LEPR: variants seen among roughly 807,000 people sequenced by gnomAD.
LEPR encodes the protein leptin receptor, also known as OB receptor.
Under a neutral mutation model 114.7 loss-of-function variants are expected in LEPR, and 56 were observed. The ratio of observed to expected loss-of-function variants is 0.49; its 90% CI spans 0.39 to 0.61. The LOEUF is 0.61. Among genes scored for constraint, LEPR ranks in the 20% least tolerant of loss-of-function variants. LEPR has a pLI of 0.00. For synonymous variants in LEPR, 443 were observed against 461.4 expected (o/e 0.96, Z 0.51); for missense variants, 1,202 against 1,352.9 (o/e 0.89, Z 1.75).
chr1:65,463,761 AG>A (rs1646975729), intron 2 of LEPR, among the ~76,000 whole-genome samples: 1 of 152,026 alleles, frequency 6.6e-6, no homozygotes, highest in Admixed American at 6.6e-5. Flanking sequence ...TTGGATTCCT[AG>A]GTATTTTATC....
intron 16 of LEPR, among the ~76,000 whole-genome samples, 173 bp downstream of exon 16, chr1:65,618,319 T>TCTTCG (rs1215532721): frequency 6.6e-6 from 1 of 151,772 alleles, no homozygotes; most frequent in Admixed American, 6.6e-5. Flanking sequence ...CTTCCTCTTC[T>TCTTCG]CTTCTCTTCT....
chr1:65,448,772 G>C (rs1001265167), intron 2 of LEPR, among the ~76,000 whole-genome samples: 2 of 152,084 alleles, frequency 1.3e-5, no homozygotes, highest in Admixed American at 1.3e-4. Context: ...CAAAAAATTG[G>C]TCCATTTCAT....
At chr1:65,450,283 A>G (rs1646766219) in intron 2 of LEPR, among the ~76,000 whole-genome samples, 1 of 151,942 alleles carries the variant, frequency 6.6e-6, no homozygotes, top group Non-Finnish European at 1.5e-5. Context: ...TAAAAAATTT[A>G]TTATTATTAT....
intron 2 of LEPR, among the ~76,000 whole-genome samples, chr1:65,444,337 C>G (rs1570459867): frequency 1.3e-5 from 2 of 152,270 alleles, no homozygotes; most frequent in East Asian, 3.9e-4. Context: ...TTCCTCCCCA[C>G]ACCCTCTCAT....
chr1:65,612,051 G>C (rs545950523), intron 14 of LEPR, among the ~76,000 whole-genome samples: 1 of 152,164 alleles, frequency 6.6e-6, no homozygotes, highest in East Asian at 1.9e-4. Context: ...GTGCTGTTTT[G>C]TTGTGTTTTC....
At chr1:65,544,376 G>A (rs528511663) in intron 2 of LEPR, among the ~76,000 whole-genome samples, 2 of 152,054 alleles carry the variant, frequency 1.3e-5, no homozygotes, top group South Asian at 4.1e-4. Flanking sequence ...ACACAATCAT[G>A]TCCTCTGCAA....
At chr1:65,463,172 A>G (rs1646967670) in intron 2 of LEPR, among the ~76,000 whole-genome samples, 2 of 152,268 alleles carry the variant, frequency 1.3e-5, no homozygotes, top group Admixed American at 6.5e-5. Flanking sequence ...TAATTTTTGT[A>G]TATGGTGTAA....
intron 2 of LEPR, chr1:65,433,061 G>T (rs1007493303): frequency 2.0e-6 from 2 of 985,402 alleles, no homozygotes; most frequent in Non-Finnish European, 2.4e-6. Context: ...GGGCAGGGAG[G>T]CTGGGCTCGA....
chr1:65,593,783 A>G (rs767721804), intron 6 of LEPR, among the ~76,000 whole-genome samples: 18 of 152,128 alleles, frequency 1.2e-4, no homozygotes, highest in Admixed American at 3.3e-4. Context: ...TCTCCACAAC[A>G]TAATTACAAT....
At chr1:65,550,219 C>T (rs1652191938) in intron 2 of LEPR, among the ~76,000 whole-genome samples, 1 of 152,116 alleles carries the variant, frequency 6.6e-6, no homozygotes, top group Non-Finnish European at 1.5e-5. Context: ...GTCGGTCTGC[C>T]CCTACTGGGG....
chr1:65,456,139 G>T (rs895219267), intron 2 of LEPR, among the ~76,000 whole-genome samples: 4 of 152,074 alleles, frequency 2.6e-5, no homozygotes, highest in African/African-American at 7.2e-5. Context: ...CCCAGCTTCG[G>T]CTCGTGCACG....
In LEPR at chr1:65,623,930, C is replaced by T. The variant is rs527732249; in HGVS notation, c.2673+949C>T. ...CTTCCTTGTACATGAAGATCTTGCT[C>T]TAGGCCCTTCTTTCCTCAAGCCTTC... On this transcript the variant is annotated intron_variant, in intron 19 of 19. Coordinates refer to ENST00000349533, the MANE Select transcript of LEPR (RefSeq NM_002303.6). 1.4e-4 allele frequency among the ~76,000 whole-genome samples: 22 copies of T among 152,244 alleles called. 1 individual carries two copies. In the South Asian group the frequency reaches 1.7e-3, roughly 11 times the overall value.
rs1391040287 is a variant in LEPR, at chr1:65,638,818, G to A, written c.*1803G>A. ...TGATAGCAACTCATTACTTGATGTGGTACGAGAGCCTTAGTTCTATGCAAA... is the reference window on the plus strand; with the variant it reads ...TGATAGCAACTCATTACTTGATGTGATACGAGAGCCTTAGTTCTATGCAAA... On this transcript the variant is annotated 3_prime_UTR_variant, in exon 20 of 20. Transcript: ENST00000349533. 6.6e-6 allele frequency: 1 copy of A among 152,170 alleles called. No individual in the cohort carries two copies. The highest frequency in any genetic ancestry group is 1.9e-4 in the East Asian group (1 of 5,194). 9.4% of individuals were successfully genotyped at this position (152,170 alleles called of 1,614,324 possible). A position where few individuals can be genotyped will look rare whatever the true frequency, so the allele number is the denominator to read the frequency against.
intron 5 of LEPR, among the ~76,000 whole-genome samples, chr1:65,589,720 CA>C (rs1358433626): frequency 1.3e-5 from 2 of 152,020 alleles, no homozygotes; most frequent in Admixed American, 1.3e-4. Flanking sequence ...TGTAGAAAAT[CA>C]GTTGTCCATG....
intron 2 of LEPR, among the ~76,000 whole-genome samples, chr1:65,550,425 C>A (rs1345166959): frequency 6.6e-6 from 1 of 152,220 alleles, no homozygotes; most frequent in Non-Finnish European, 1.5e-5. Flanking sequence ...AGAGGTGGAG[C>A]CTACAGAGGC....
chr1:65,555,036 C>T (rs568860925), intron 2 of LEPR, among the ~76,000 whole-genome samples: 4 of 152,078 alleles, frequency 2.6e-5, no homozygotes, highest in South Asian at 2.1e-4. Context: ...CCTCCGTGGG[C>T]GGCACCCACT....
chr1:65,431,743 A>C, intron 2 of LEPR: 1 of 1,521,956 alleles, frequency 6.6e-7, no homozygotes, highest in Non-Finnish European at 8.9e-7. Context: ...AATAATAGGG[A>C]TTGCAAAGAG....
intron 2 of LEPR, among the ~76,000 whole-genome samples, chr1:65,475,973 C>T (rs756575633): frequency 9.2e-5 from 14 of 151,610 alleles, no homozygotes; most frequent in South Asian, 6.3e-4. Flanking sequence ...GCCATGATCA[C>T]GCCACTGCAC....
At chr1:65,486,085 T>G (rs146631933) in intron 2 of LEPR, among the ~76,000 whole-genome samples, 492 of 152,298 alleles carry the variant, frequency 3.2e-3, no homozygotes, top group Non-Finnish European at 5.5e-3. Context: ...AGCACAATCT[T>G]CTGGGAATTT....
Sources: allele counts gnomAD v4.1 joint callset (sites outside exome capture counted in the v4.1 genomes callset), GRCh38; gene constraint gnomAD v4.1.1; transcripts MANE v1.5; gene names NCBI Gene and HGNC (gene_info 2026-07-23, HGNC 2026-07-21).